Variants in FMNL2 observed in about 807,000 individuals in gnomAD.
FMNL2 encodes the protein formin-like protein 2.
A neutral mutation model predicts 130.2 loss-of-function variants in FMNL2; 51 were observed. The ratio of observed to expected loss-of-function variants is 0.39; its 90% CI spans 0.31 to 0.49. FMNL2 has a LOEUF of 0.49. Ranked by LOEUF, FMNL2 falls within the 20% of genes least tolerant of loss-of-function variation. The pLI, the probability that FMNL2 is intolerant of heterozygous loss-of-function variation, is 0.85. For synonymous variants in FMNL2, 465 were observed against 467.1 expected (o/e 1.00, Z 0.06); for missense variants, 977 against 1,316.2 (o/e 0.74, Z 3.99).
chr2:152,360,908 T>C (rs1683129614), intron 1 of FMNL2, among the ~76,000 whole-genome samples: 1 of 152,242 alleles, frequency 6.6e-6, no homozygotes, highest in Non-Finnish European at 1.5e-5. Context: ...AGAAAGGGTT[T>C]ACTCTTTGGA....
At chr2:152,573,034 C>A (rs1438745212) in intron 6 of FMNL2, among the ~76,000 whole-genome samples, 1 of 152,056 alleles carries the variant, frequency 6.6e-6, no homozygotes, top group African/African-American at 2.4e-5. Flanking sequence ...TCTCAGGGTG[C>A]ATTTATTTAG....
At chr2:152,390,272 C>A in intron 1 of FMNL2, 2 of 1,420,594 alleles carry the variant, frequency 1.4e-6, no homozygotes, top group Non-Finnish European at 2.0e-6. Context: ...GGGTGGGGCT[C>A]AAGGGGCAGC....
At chr2:152,361,158 T>G (rs1387454983) in intron 1 of FMNL2, among the ~76,000 whole-genome samples, 2 of 152,168 alleles carry the variant, frequency 1.3e-5, no homozygotes, top group African/African-American at 4.8e-5. Context: ...AGTACTACAT[T>G]TGTAAAAGGC....
chr2:152,432,935 G>A (rs1194780198), intron 1 of FMNL2, among the ~76,000 whole-genome samples: 1 of 152,182 alleles, frequency 6.6e-6, no homozygotes, highest in Non-Finnish European at 1.5e-5. Context: ...AAGTTTTCAG[G>A]TTGCATGGCA....
intron 9 of FMNL2, among the ~76,000 whole-genome samples, chr2:152,586,588 C>T (rs1360778258): frequency 6.6e-6 from 1 of 152,182 alleles, no homozygotes; most frequent in Non-Finnish European, 1.5e-5. Context: ...AGGGTACTCA[C>T]ATTTTTCAGT....
At chr2:152,382,991 T>G (rs897898622) in intron 1 of FMNL2, among the ~76,000 whole-genome samples, 2 of 152,200 alleles carry the variant, frequency 1.3e-5, no homozygotes, top group Non-Finnish European at 2.9e-5. Flanking sequence ...GTAGTGATGT[T>G]GGTGTAAACA....
rs541504897 is a variant in FMNL2 at position 152,338,333 on chromosome 2, T to G, written c.117+2613T>G. ...TGGCTAACATCAATAATTAACAGAC[T>G]GTTTCAAGCTAGGAGAACAGTTCCT... On this transcript the variant is annotated intron_variant, in intron 1 of 25. Transcript: ENST00000288670. Among the ~76,000 whole-genome samples, 5 of 152,312 alleles carry G rather than the reference T, an allele frequency of 3.3e-5. No homozygotes were observed. The East Asian group carries it at 7.7e-4, about 24-fold the overall frequency.
chr2:152,570,855 A>T (rs1391427041), intron 6 of FMNL2, among the ~76,000 whole-genome samples: 1 of 51,574 alleles, frequency 1.9e-5, no homozygotes, highest in Non-Finnish European at 3.7e-5. Flanking sequence ...AAATGGTTGA[A>T]TTAAGCCCTC....
At chr2:152,368,246 T>A (rs1215136215) in intron 1 of FMNL2, among the ~76,000 whole-genome samples, 3 of 152,210 alleles carry the variant, frequency 2.0e-5, no homozygotes, top group African/African-American at 2.4e-5. Context: ...AACTGAAGTT[T>A]GTGTGATCTC....
At chr2:152,392,534 T>C (rs1685171687) in intron 1 of FMNL2, among the ~76,000 whole-genome samples, 1 of 152,174 alleles carries the variant, frequency 6.6e-6, no homozygotes, top group African/African-American at 2.4e-5. Context: ...GCATTTGGTT[T>C]AGGGAGCATT....
At chr2:152,395,608 A>C (rs1685349406) in intron 1 of FMNL2, among the ~76,000 whole-genome samples, 1 of 152,240 alleles carries the variant, frequency 6.6e-6, no homozygotes, top group South Asian at 2.1e-4. Context: ...ACAATGGTAC[A>C]CTTAGAATTT....
At chr2:152,521,537 C>G (rs907336548) in intron 1 of FMNL2, among the ~76,000 whole-genome samples, 1 of 151,916 alleles carries the variant, frequency 6.6e-6, no homozygotes, top group Non-Finnish European at 1.5e-5. Context: ...TAATTTGAAT[C>G]TATCAGTGAT....
chr2:152,495,370 C>G (rs1691446853), intron 1 of FMNL2, among the ~76,000 whole-genome samples: 1 of 151,866 alleles, frequency 6.6e-6, no homozygotes, highest in Admixed American at 6.6e-5. Flanking sequence ...TCATGCTGGG[C>G]CAAGTGTGGT....
intron 9 of FMNL2, among the ~76,000 whole-genome samples, chr2:152,584,021 A>G (rs1696930510): frequency 6.6e-6 from 1 of 152,160 alleles, no homozygotes; most frequent in Non-Finnish European, 1.5e-5. Flanking sequence ...TTGAGGTGCA[A>G]AAGGTGTTAT....
intron 9 of FMNL2, among the ~76,000 whole-genome samples, chr2:152,596,066 G>A (rs1050082442): frequency 6.7e-6 from 1 of 149,994 alleles, no homozygotes; most frequent in Non-Finnish European, 1.5e-5. Context: ...AGGTTTAAGC[G>A]ATTCTCCCGC....
chr2:152,378,986 C>CAAAAAAAAAAAA (rs34091948), intron 1 of FMNL2, among the ~76,000 whole-genome samples: 1 of 41,990 alleles, frequency 2.4e-5, no homozygotes, highest in African/African-American at 1.2e-4. Context: ...AGACCAGCTG[C>CAAAAAAAAAAAA]AAAAAAAAAA....
chr2:152,527,434 A>G (rs1693450027), intron 2 of FMNL2, among the ~76,000 whole-genome samples: 1 of 152,164 alleles, frequency 6.6e-6, no homozygotes, highest in Non-Finnish European at 1.5e-5. Flanking sequence ...TTGTTGAATC[A>G]GTTTCATTAC....
At chr2:152,356,889 A>G (rs942365523) in intron 1 of FMNL2, among the ~76,000 whole-genome samples, 13 of 151,508 alleles carry the variant, frequency 8.6e-5, no homozygotes, top group Non-Finnish European at 1.3e-4. Flanking sequence ...ATGAATTTAG[A>G]GAGCTGTTGG....
At chr2:152,595,399 C>A in intron 9 of FMNL2, among the ~76,000 whole-genome samples, 1 of 152,194 alleles carries the variant, frequency 6.6e-6, no homozygotes, top group Non-Finnish European at 1.5e-5. Flanking sequence ...CGGCTCACTG[C>A]AACCTCCACC....
Sources: gnomAD v4.1 joint callset for allele counts (sites outside exome capture counted in the v4.1 genomes callset) on GRCh38, gnomAD v4.1.1 for gene constraint, MANE v1.5 for transcripts, NCBI Gene and HGNC (gene_info 2026-07-23, HGNC 2026-07-21) for gene names.